Variants in SEMA3A observed in about 807,000 individuals in gnomAD.
SEMA3A encodes semaphorin 3A, also known as semaphorin-3A.
In SEMA3A, 29 loss-of-function variants were observed where a neutral mutation model predicts 97.9. The ratio of observed to expected loss-of-function variants is 0.30; its 90% confidence interval spans 0.22 to 0.40. SEMA3A has a LOEUF of 0.40. Ranked by LOEUF, SEMA3A falls within the 10% of genes least tolerant of loss-of-function variation. The probability of loss-of-function intolerance (pLI) is 1.00; values close to 1 mark genes in which losing one functional copy is unlikely to be tolerated. For missense variants in SEMA3A, 763 were observed against 951.3 expected, an observed-to-expected ratio of 0.80 and a Z score of 2.60; for synonymous variants, 321 against 323.7, an observed-to-expected ratio of 0.99 and a Z score of 0.09.
intron 2 of SEMA3A, among the ~76,000 whole-genome samples, chr7:84,354,104 CAT>C (rs1297011886): frequency 2.0e-5 from 3 of 151,488 alleles, no homozygotes; most frequent in African/African-American, 7.3e-5. Context: ...ATATTATAAA[CAT>C]ATAAAATTAA....
chr7:84,398,039 TGACCA>T (rs1406671771), intron 1 of SEMA3A, among the ~76,000 whole-genome samples: 1 of 152,218 alleles, frequency 6.6e-6, no homozygotes, highest in Non-Finnish European at 1.5e-5. Flanking sequence ...CTTTTTCTAA[TGACCA>T]GAGAAGTCTG....
intron 1 of SEMA3A, among the ~76,000 whole-genome samples, chr7:84,483,106 G>A (rs914383186): frequency 6.6e-6 from 1 of 152,096 alleles, no homozygotes; most frequent in Non-Finnish European, 1.5e-5. Context: ...TAAAGCACAG[G>A]ATTGCATTTG....
intron 1 of SEMA3A, among the ~76,000 whole-genome samples, chr7:84,469,727 T>G (rs2116406814): frequency 6.6e-6 from 1 of 152,242 alleles, no homozygotes. Context: ...TGGATCAATT[T>G]CTATTATTTC....
chr7:83,985,413 A>G (rs201434506), intron 13 of SEMA3A, 23 bp downstream of exon 13: 103 of 1,549,578 alleles, frequency 6.6e-5, no homozygotes, highest in Middle Eastern at 5.0e-4. Context: ...TGGATATTCA[A>G]TGGTAATACA....
At chr7:84,426,294 A>AGAT (rs1419253671) in intron 1 of SEMA3A, among the ~76,000 whole-genome samples, 1 of 151,726 alleles carries the variant, frequency 6.6e-6, no homozygotes. Context: ...ATAGATAGAT[A>AGAT]GATAGATAGA....
In SEMA3A at chr7:84,052,503, G is replaced by T. The variant is rs187086072; in HGVS notation, c.548-6060C>A. Among the ~76,000 whole-genome samples the T allele has an allele frequency of 2.9e-3, 442 of 152,246 alleles. 5 individuals carry two copies. Among genetic ancestry groups the T allele is most frequent in the African/African-American group, 0.01 (416 of 41,540 alleles). On this transcript the variant is annotated intron_variant, in intron 5 of 16. Coordinates refer to ENST00000265362, the MANE Select transcript of SEMA3A (RefSeq NM_006080.3). ...GATTTTCTAGTTTATTTGTGTAGAG[G>T]TGTTTGTAGTATTCTCTGATGGTAG...
At chr7:84,249,774 A>T (rs1799564036) in intron 3 of SEMA3A, among the ~76,000 whole-genome samples, 1 of 149,262 alleles carries the variant, frequency 6.7e-6, no homozygotes, top group Admixed American at 6.7e-5. Flanking sequence ...TCTTCCTGAG[A>T]TTCCTTTCTA....
At chr7:84,467,478 C>A (rs980069735) in intron 1 of SEMA3A, among the ~76,000 whole-genome samples, 2 of 143,164 alleles carry the variant, frequency 1.4e-5, no homozygotes, top group Non-Finnish European at 3.0e-5. Flanking sequence ...GCTGAGGATG[C>A]GCCACTGCAC....
chr7:84,015,264 A>AT (rs5885394), intron 6 of SEMA3A, among the ~76,000 whole-genome samples: 135,176 of 152,176 alleles, frequency 0.89, 60,303 homozygotes, highest in African/African-American at 0.97. Flanking sequence ...TATTTGTTGT[A>AT]TTTTTTGTTG....
intron 12 of SEMA3A, among the ~76,000 whole-genome samples, chr7:83,989,233 TA>T (rs1381548007): frequency 6.6e-6 from 1 of 152,182 alleles, no homozygotes; most frequent in Non-Finnish European, 1.5e-5. Flanking sequence ...TAGCTAGCTC[TA>T]AATACTTTCA....
chr7:84,316,321 C>A (rs1801499408), intron 2 of SEMA3A, among the ~76,000 whole-genome samples: 1 of 150,664 alleles, frequency 6.6e-6, no homozygotes. Flanking sequence ...AAATTAAATC[C>A]AAAGTAAGCA....
intron 1 of SEMA3A, among the ~76,000 whole-genome samples, chr7:84,426,615 T>C (rs959256195): frequency 4.6e-5 from 7 of 152,142 alleles, no homozygotes; most frequent in Admixed American, 3.9e-4. Flanking sequence ...CTACCATTAA[T>C]TCATGAAATC....
intron 11 of SEMA3A, 53 bp from the exon 12 acceptor site, chr7:84,002,099 T>G (rs1381500888): frequency 1.2e-5 from 11 of 952,320 alleles, no homozygotes; most frequent in Non-Finnish European, 1.8e-5. Context: ...TGAACAGAGA[T>G]TAGTGTTAAT....
chr7:84,260,955 GC>G (rs1799842116), intron 3 of SEMA3A, among the ~76,000 whole-genome samples: 1 of 152,236 alleles, frequency 6.6e-6, no homozygotes, highest in Middle Eastern at 3.4e-3. Flanking sequence ...AACTTATGGT[GC>G]TTTGTCTGGG....
chr7:84,286,559 C>T (rs1166306511), intron 3 of SEMA3A, among the ~76,000 whole-genome samples: 1 of 152,062 alleles, frequency 6.6e-6, no homozygotes, highest in Admixed American at 6.6e-5. Flanking sequence ...ATAATGATAG[C>T]TAATTATTTT....
rs924114520 is a variant in SEMA3A at position 83,961,559 on chromosome 7, T to C, written c.2128A>G (p.Ile710Val). Residue 710 changes from isoleucine to valine, a missense_variant, in exon 17 of 17, where the codon ATC becomes GTC. Physicochemically the swap from Ile to Val is conservative, Grantham distance 29. Coordinates refer to ENST00000265362, the MANE Select transcript of SEMA3A (RefSeq NM_006080.3). ...KVWYRDFMQL[I>V]NHPNLNTMDE... ...ATTGTGTTGAGATTGGGGTGGTTGA[T>C]GAGCTGCATGAAGTCTCTGTACCAG... 1.9e-6 allele frequency: 3 copies of C among 1,614,030 alleles called. No individual in the cohort carries two copies. The highest frequency in any genetic ancestry group is 2.5e-6 in the Non-Finnish European group (3 of 1,179,988).
At position 84,239,538 on chromosome 7, in the gene SEMA3A, G is replaced by A. The variant is rs562930017; in HGVS notation, c.-82-44870C>T. On this transcript the variant is annotated intron_variant, in intron 3 of 3. Transcript: ENST00000424555. The stretch of plus-strand genomic sequence containing the variant: ...TTACAGAACAATTTTTGAGAGTCTT[G>A]TATAATGAATTCATTTTTAAAGCAT... Among the ~76,000 whole-genome samples, 176 of 152,050 alleles carry A rather than the reference G, an allele frequency of 1.2e-3. 1 individual carries two copies. Among genetic ancestry groups the A allele is most frequent in the African/African-American group, 4.0e-3 (165 of 41,520 alleles).
intron 4 of SEMA3A, among the ~76,000 whole-genome samples, chr7:84,081,713 G>A (rs1369994399): frequency 1.3e-5 from 2 of 151,568 alleles, no homozygotes; most frequent in South Asian, 2.1e-4. Flanking sequence ...AAACTGAATG[G>A]AAATATGCAG....
At chr7:84,460,220 A>C (rs1805793214) in intron 1 of SEMA3A, among the ~76,000 whole-genome samples, 1 of 152,194 alleles carries the variant, frequency 6.6e-6, no homozygotes, top group Non-Finnish European at 1.5e-5. Context: ...TCTTTCTGAT[A>C]GATTGTCTAA....
Sources: gnomAD v4.1 joint callset for allele counts (sites outside exome capture counted in the v4.1 genomes callset) on GRCh38, gnomAD v4.1.1 for gene constraint, MANE v1.5 for transcripts, NCBI Gene and HGNC (gene_info 2026-07-23, HGNC 2026-07-21) for gene names.